The following PCGF3 variants were observed in gnomAD, a reference collection of about 807,000 sequenced individuals.
PCGF3 encodes the protein polycomb group ring finger 3.
PCGF3 carries 7 observed loss-of-function variants against 33.1 expected under a neutral mutation model. The observed-to-expected ratio is 0.21, with a 90% CI of 0.12 to 0.40. PCGF3 has a LOEUF of 0.40. PCGF3 is among the 10% of genes least tolerant of loss of function. PCGF3 has a pLI of 1.00. For missense variants in PCGF3, 211 were observed against 313.3 expected (o/e 0.67, Z 2.46); for synonymous variants, 153 against 121.3 (o/e 1.26, Z -1.72).
Position 720,783 on chromosome 4 carries a change from G to A in PCGF3, c.-189-9847G>A, listed in dbSNP as rs950091245. On this transcript the variant is annotated intron_variant, in intron 1 of 10. Coordinates refer to ENST00000362003, the Ensembl canonical transcript of PCGF3. This position sits in a 1 kb window ranked among gnomAD's most constrained non-coding sequence, Gnocchi z 5.6. Reference sequence around the variant, plus strand: ...CGACGTGAATGGATGTGGTTCCGACGTGACTGCGCTGGCATGGGAAGCAGA... The same window carrying A: ...CGACGTGAATGGATGTGGTTCCGACATGACTGCGCTGGCATGGGAAGCAGA... Among the ~76,000 whole-genome samples the A allele has an allele frequency of 1.3e-5, 2 of 152,296 alleles. No individual in the cohort carries two copies. The highest frequency in any genetic ancestry group is 6.5e-5 in the Admixed American group (1 of 15,288).
chr4:761,234 G>A (rs771730936), intron 8 of PCGF3, 45 bp from the exon 9 acceptor site: 5 of 1,509,290 alleles, frequency 3.3e-6, no homozygotes, highest in East Asian at 4.8e-5. Context: ...AGAACCGTCC[G>A]GGGGAACCCT....
rs778041204 is a variant in PCGF3 at position 743,453 on chromosome 4, CTGTG to C, written c.263-17_263-14del. On this transcript the variant is annotated splice_polypyrimidine_tract_variant and intron_variant, in intron 6 of 10. Coordinates refer to ENST00000362003, the Ensembl canonical transcript of PCGF3. Reference sequence around the variant, plus strand: ...AATCCACTGCCTGTGAGATGAAAGACTGTGTGTTGATTTTCCGCAGCGGAAATGA... The same window carrying C: ...AATCCACTGCCTGTGAGATGAAAGACTGTTGATTTTCCGCAGCGGAAATGA... 1 of 1,410,886 alleles carries C rather than the reference CTGTG, an allele frequency of 7.1e-7. No individual in the cohort carries two copies. Among genetic ancestry groups the C allele is most frequent in the African/African-American group, 1.4e-5 (1 of 71,004 alleles). 87.4% of individuals were successfully genotyped at this position (1,410,886 alleles called of 1,614,324 possible). A position where few individuals can be genotyped will look rare whatever the true frequency, so the allele number is the denominator to read the frequency against.
chr4:750,650 T>C (rs1577431078), intron 8 of PCGF3, among the ~76,000 whole-genome samples: 1 of 152,188 alleles, frequency 6.6e-6, no homozygotes, highest in South Asian at 2.1e-4. Context: ...GTTGAATGAA[T>C]GAGAAACAAG....
rs1744826029 is a variant in PCGF3, at chr4:757,622, A to C, written c.463-3657A>C. On this transcript the variant is annotated intron_variant, in intron 8 of 10. Transcript: ENST00000362003. ...AACGTAGAGCTAGGTTTTTTAAAAA[A>C]ATCAAACTTTTTTAGCTGGCACGTT... 3 of 152,234 alleles carry C rather than the reference A, an allele frequency of 2.0e-5. No homozygotes were observed. In the South Asian group the frequency reaches 6.2e-4, roughly 32 times the overall value. The allele number at this position is 152,234 out of a possible 1,614,324, so 9.4% of individuals were successfully genotyped here.
chr4:728,969 G>A (rs1194620495), intron 1 of PCGF3, among the ~76,000 whole-genome samples: 9 of 151,732 alleles, frequency 5.9e-5, no homozygotes, highest in Non-Finnish European at 1.3e-4. Flanking sequence ...GCGTGGTGGC[G>A]GACGTCTATA....
In PCGF3 at chr4:758,352, C is replaced by T. The variant is rs141046548; in HGVS notation, c.463-2927C>T. Among the ~76,000 whole-genome samples the T allele has an allele frequency of 1.3e-3, 192 of 144,432 alleles. 1 individual carries two copies. The highest frequency in any genetic ancestry group is 4.5e-3 in the African/African-American group (172 of 37,862). The allele number at this position is 144,432 out of a possible 152,430, so 94.8% of individuals were successfully genotyped here. On this transcript the variant is annotated intron_variant, in intron 8 of 10. Transcript: ENST00000362003. ...CCCGAGTTCTTCTCGCTCCGGACTC[C>T]AGGTCTTTCTCCCCTCGAGGCCCCT...
chr4:710,149 C>T (rs1478020401), intron 1 of PCGF3, among the ~76,000 whole-genome samples: 2 of 152,174 alleles, frequency 1.3e-5, no homozygotes, highest in Non-Finnish European at 2.9e-5. Flanking sequence ...CCGATGATAA[C>T]TTACTGTTTC....
exon 11 of PCGF3, chr4:770,009 ATT>A (rs919354389): frequency 4.0e-4 from 61 of 152,672 alleles, no homozygotes; most frequent in African/African-American, 1.4e-3. Flanking sequence ...AAATGTTTTG[ATT>A]TTATGATAGT....
At chr4:747,973 C>T (rs1455619541) in intron 8 of PCGF3, among the ~76,000 whole-genome samples, 2 of 152,136 alleles carry the variant, frequency 1.3e-5, no homozygotes, top group Non-Finnish European at 2.9e-5. Context: ...CTGGCCTCAG[C>T]CCCATGGCCC....
intron 1 of PCGF3, among the ~76,000 whole-genome samples, chr4:707,071 G>C (rs1742339356): frequency 6.6e-6 from 1 of 152,126 alleles, no homozygotes; most frequent in Admixed American, 6.5e-5. Context: ...AGAGAGTTGG[G>C]CTCTGGGATT....
chr4:723,003 CA>C (rs1743174190), intron 1 of PCGF3, among the ~76,000 whole-genome samples: 1 of 146,820 alleles, frequency 6.8e-6, no homozygotes, highest in Non-Finnish European at 1.5e-5. Flanking sequence ...GTGCCGGGTC[CA>C]CATTCGCGTC....
At chr4:738,814 G>C (rs560823361) in intron 6 of PCGF3, among the ~76,000 whole-genome samples, 1 of 152,034 alleles carries the variant, frequency 6.6e-6, no homozygotes, top group Admixed American at 6.6e-5. Flanking sequence ...AGCTGAGATC[G>C]CGCCACTGCA....
chr4:741,831 G>T (rs1744105771), intron 6 of PCGF3, among the ~76,000 whole-genome samples: 1 of 152,164 alleles, frequency 6.6e-6, no homozygotes, highest in African/African-American at 2.4e-5. Flanking sequence ...GTCTGAAGCT[G>T]AGTTGCTTTC....
In PCGF3 at chr4:741,963, A is replaced by T. The variant is rs17777946; in HGVS notation, c.263-1511A>T. Among the ~76,000 whole-genome samples, 7 of 152,076 alleles carry T rather than the reference A, an allele frequency of 4.6e-5. No individual in the cohort carries two copies. The East Asian group carries it at 1.2e-3, about 25-fold the overall frequency. On this transcript the variant is annotated intron_variant, in intron 6 of 10. Coordinates refer to ENST00000362003, the Ensembl canonical transcript of PCGF3. The stretch of plus-strand genomic sequence containing the variant: ...GTCAGCCCCTGTCTTGCAGGCCTCC[A>T]TTCCAGCTGCTGGGATGTGATTATT...
chr4:760,093 C>T (rs1336988684), intron 8 of PCGF3, among the ~76,000 whole-genome samples: 1 of 152,240 alleles, frequency 6.6e-6, no homozygotes, highest in African/African-American at 2.4e-5. Context: ...ACAGAATCCA[C>T]TTATCTCCCC....
intron 5 of PCGF3, 59 bp from the exon 6 acceptor site, chr4:737,407 G>A: frequency 9.0e-7 from 1 of 1,116,196 alleles, no homozygotes; most frequent in South Asian, 1.2e-5. Flanking sequence ...AATGGAAAGT[G>A]TACAAGAATT....
intron 1 of PCGF3, among the ~76,000 whole-genome samples, chr4:708,981 C>T (rs1353550541): frequency 1.3e-5 from 2 of 152,168 alleles, no homozygotes; most frequent in East Asian, 1.9e-4. Context: ...AGCCTTTTAT[C>T]AAAAACTTGT....
At chr4:726,093 G>A (rs1743322625) in intron 1 of PCGF3, among the ~76,000 whole-genome samples, 1 of 152,254 alleles carries the variant, frequency 6.6e-6, no homozygotes, top group South Asian at 2.1e-4. Context: ...GGCAGAGGCT[G>A]GCGGGCAGGA....
chr4:768,272 C>T (rs552997148), exon 11 of PCGF3: 12 of 152,792 alleles, frequency 7.9e-5, no homozygotes, highest in Admixed American at 2.6e-4. Context: ...GTCTTCACTA[C>T]AGGACTCGGC....
Sources: allele counts gnomAD v4.1 joint callset (sites outside exome capture counted in the v4.1 genomes callset), GRCh38; gene constraint gnomAD v4.1.1; non-coding constraint Gnocchi (gnomAD v3.1); transcripts MANE v1.5; gene names NCBI Gene and HGNC (gene_info 2026-07-23, HGNC 2026-07-21).